GYG1: variants seen among roughly 807,000 people sequenced by gnomAD.
GYG1 encodes the protein glycogenin 1, also known as glycogenin-1.
Under a neutral mutation model 41.9 loss-of-function variants are expected in GYG1, and 44 were observed. That is an observed-to-expected ratio of 1.05 (90% CI 0.83 to 1.35). The LOEUF (loss-of-function observed/expected upper bound fraction) is 1.35, where lower values mean the gene tolerates loss of function less well. Ranked by LOEUF, GYG1 falls within the 40% of genes most tolerant of loss-of-function variation. GYG1 has a pLI of 0.00. For missense variants in GYG1, 429 were observed against 418.9 expected, an observed-to-expected ratio of 1.02 and a Z score of -0.21; for synonymous variants, 141 against 158.1, an observed-to-expected ratio of 0.89 and a Z score of 0.81.
chr3:148,991,925 G>T (rs890586281), intron 1 of GYG1, among the ~76,000 whole-genome samples: 1 of 152,190 alleles, frequency 6.6e-6, no homozygotes, highest in African/African-American at 2.4e-5. Flanking sequence ...TTGCTCTCAC[G>T]GCGAAGGGCC....
At chr3:148,997,255 C>T (rs575910209) in intron 4 of GYG1, among the ~76,000 whole-genome samples, 5 of 152,186 alleles carry the variant, frequency 3.3e-5, no homozygotes, top group Admixed American at 2.0e-4. Context: ...CCTAAGTAAA[C>T]GTAAGCTCAA....
intron 4 of GYG1, chr3:149,001,423 G>A (rs576356927): frequency 2.0e-5 from 3 of 152,226 alleles, no homozygotes; most frequent in Admixed American, 6.5e-5. Flanking sequence ...CACTGTACCC[G>A]TGAATATACT....
At chr3:149,021,586 C>T (rs573912479) in intron 5 of GYG1, among the ~76,000 whole-genome samples, 1 of 152,252 alleles carries the variant, frequency 6.6e-6, no homozygotes, top group Non-Finnish European at 1.5e-5. Flanking sequence ...TGTCAAACCC[C>T]ATCTCTGCCA....
intron 4 of GYG1, among the ~76,000 whole-genome samples, chr3:148,999,687 T>G (rs1712991040): frequency 6.6e-6 from 1 of 152,114 alleles, no homozygotes; most frequent in Non-Finnish European, 1.5e-5. Context: ...TATGTTATTA[T>G]ATAAAAATTA....
At chr3:149,008,908 T>C (rs1013213694) in intron 4 of GYG1, 2 of 227,518 alleles carry the variant, frequency 8.8e-6, no homozygotes, top group Non-Finnish European at 1.8e-5. Flanking sequence ...TGGTAGTCCT[T>C]GCACTTTGGG....
chr3:149,030,318 G>A lies in GYG1; in HGVS notation c.*3385G>A, dbSNP rs1714894225. 1.3e-5 allele frequency: 2 copies of A among 151,946 alleles called. No homozygotes were observed. The highest frequency in any genetic ancestry group is 1.3e-4 in the Admixed American group (2 of 15,260). The allele number at this position is 151,946 out of a possible 1,614,324, so 9.4% of individuals were successfully genotyped here. On this transcript the variant is annotated 3_prime_UTR_variant, in exon 8 of 8. Transcript: ENST00000345003. ...TTTTTTATATATTTATCCTTCTTAGGAAGGACAAATTAAATTTTTTAAATT... is the reference window on the plus strand; with the variant it reads ...TTTTTTATATATTTATCCTTCTTAGAAAGGACAAATTAAATTTTTTAAATT...
chr3:149,005,279 T>A (rs113838865), intron 4 of GYG1, among the ~76,000 whole-genome samples: 6 of 152,218 alleles, frequency 3.9e-5, no homozygotes, highest in African/African-American at 1.4e-4. Context: ...CCCAGTTGTA[T>A]TACTAATATT....
rs1351189217 is a variant in GYG1 at position 149,029,538 on chromosome 3, A to G, written c.*2605A>G. Among the ~76,000 whole-genome samples the G allele has an allele frequency of 6.6e-6, 1 of 152,186 alleles. No homozygotes were observed. The highest frequency in any genetic ancestry group is 1.5e-5 in the Non-Finnish European group (1 of 68,032). ...ACATTTTGCAGATATTTTGAAGTTA[A>G]TGTGTTAAAAACTTGAGGTTAAACA... On this transcript the variant is annotated 3_prime_UTR_variant, in exon 8 of 8. Transcript: ENST00000345003.
rs1019246305 is a variant in GYG1 at position 149,029,108 on chromosome 3, G to A, written c.*2175G>A. Among the ~76,000 whole-genome samples, 1 of 152,180 alleles carries A rather than the reference G, an allele frequency of 6.6e-6. No homozygotes were observed. Among genetic ancestry groups the A allele is most frequent in the African/African-American group, 2.4e-5 (1 of 41,448 alleles). On this transcript the variant is annotated 3_prime_UTR_variant, in exon 8 of 8. Coordinates refer to ENST00000345003, the MANE Select transcript of GYG1 (RefSeq NM_004130.4). Reference sequence around the variant, plus strand: ...CTTACCATAAGACATAGCATATAATGCTGTCAAGTTATTTGGCTAGAAAAT... The same window carrying A: ...CTTACCATAAGACATAGCATATAATACTGTCAAGTTATTTGGCTAGAAAAT...
chr3:149,016,803 AGAG>A (rs1714077152), intron 5 of GYG1, among the ~76,000 whole-genome samples: 1 of 152,142 alleles, frequency 6.6e-6, no homozygotes, highest in Non-Finnish European at 1.5e-5. Flanking sequence ...AGTGCGTGAG[AGAG>A]GAGAGGTGTG....
Position 148,996,786 on chromosome 3 carries a change from A to G in GYG1, c.363A>G (p.Ser121=), listed in dbSNP as rs201036138. The change falls in exon 4 of 8, where the codon TCA becomes TCG. Residue 121 remains serine (S), a synonymous_variant. Coordinates refer to ENST00000345003, the MANE Select transcript of GYG1 (RefSeq NM_004130.4). ...ATCTTTTTGACAGAGAAGAATTGTC[A>G]GCAGCACCAGACCCAGGGTGGCCTG... ...IDDLFDREEL[S]AAPDPGWPDC... The G allele has an allele frequency of 5.0e-6, 8 of 1,613,742 alleles. No homozygotes were observed. Among genetic ancestry groups the G allele is most frequent in the Non-Finnish European group, 5.9e-6 (7 of 1,179,688 alleles).
At chr3:149,007,224 C>A (rs549724480) in intron 4 of GYG1, among the ~76,000 whole-genome samples, 1 of 152,284 alleles carries the variant, frequency 6.6e-6, no homozygotes, top group Admixed American at 6.5e-5. Context: ...AGGGCAGAGC[C>A]CTCATGACCT....
At chr3:149,003,542 AATG>A (rs1188639752) in intron 4 of GYG1, among the ~76,000 whole-genome samples, 1 of 152,158 alleles carries the variant, frequency 6.6e-6, no homozygotes, top group African/African-American at 2.4e-5. Flanking sequence ...TTTTTATAGA[AATG>A]ATATTTTTAA....
chr3:148,996,759 T>C lies in GYG1; in HGVS notation c.336T>C (p.Asp112=). The stretch of plus-strand genomic sequence containing the variant: ...TTGATCAGGTCCTAGCAAATATTGA[T>C]GATCTTTTTGACAGAGAAGAATTGT... ...DADTLVLANI[D]DLFDREELSA... The change falls in exon 4 of 8, where the codon GAT becomes GAC. Residue 112 remains aspartate (D), a synonymous_variant. Coordinates refer to ENST00000345003, the MANE Select transcript of GYG1 (RefSeq NM_004130.4). The C allele has an allele frequency of 1.9e-6, 3 of 1,613,984 alleles. No individual in the cohort carries two copies. Among genetic ancestry groups the C allele is most frequent in the Non-Finnish European group, 2.5e-6 (3 of 1,179,830 alleles).
At chr3:149,018,784 C>T (rs983947301) in intron 5 of GYG1, among the ~76,000 whole-genome samples, 1 of 151,986 alleles carries the variant, frequency 6.6e-6, no homozygotes, top group Non-Finnish European at 1.5e-5. Flanking sequence ...AGTGTCAGGC[C>T]GGGCCCGTAA....
intron 6 of GYG1, among the ~76,000 whole-genome samples, chr3:149,025,241 A>T (rs1158807221): frequency 6.6e-6 from 1 of 152,216 alleles, no homozygotes; most frequent in African/African-American, 2.4e-5. Context: ...TGGTTTCAGG[A>T]TAAAACTGTT....
Position 148,996,772 on chromosome 3 carries a change from A to C in GYG1, c.349A>C (p.Arg117=). The change falls in exon 4 of 8, where the codon AGA becomes CGA. Residue 117 remains arginine, a synonymous_variant. Transcript: ENST00000345003. ...VLANIDDLFD[R]EELSAAPDPG... ...AGCAAATATTGATGATCTTTTTGACAGAGAAGAATTGTCAGCAGCACCAGA... is the reference window on the plus strand; with the variant it reads ...AGCAAATATTGATGATCTTTTTGACCGAGAAGAATTGTCAGCAGCACCAGA... The C allele has an allele frequency of 6.2e-7, 1 of 1,614,008 alleles. No individual in the cohort carries two copies.
In GYG1 at chr3:149,026,487, T is replaced by A; in HGVS notation, c.864T>A (p.Cys288Ter). Residue 288 changes from cysteine to a stop codon, truncating the protein, a stop_gained, in exon 7 of 8, where the codon TGT becomes TGA. Transcript: ENST00000345003. LOFTEE classifies it high-confidence loss of function. ...SDLVYTLAFS[C>*]GFCRKEDVSG... The stretch of plus-strand genomic sequence containing the variant: ...TGGTCTATACACTGGCTTTCTCTTG[T>A]GGCTTCTGTAGAAAGGTATGCAGAA... 6.2e-7 allele frequency: 1 copy of A among 1,605,492 alleles called. No individual in the cohort carries two copies. The highest frequency in any genetic ancestry group is 8.5e-7 in the Non-Finnish European group (1 of 1,172,098).
Position 149,009,158 on chromosome 3 carries a change from C to CA in GYG1, c.482-102dup, listed in dbSNP as rs3043934. On this transcript the variant is annotated intron_variant, in intron 4 of 7. Transcript: ENST00000345003. ...TGGGTGACAGAGCGAGACTCCGTCT[C>CA]AAAAAAAAAAAAAAAATGGAATTAG... The CA allele has an allele frequency of 0.33, 208,209 of 626,140 alleles. 7,624 individuals are homozygous for CA. The highest frequency in any genetic ancestry group is 0.39 in the Admixed American group (12,224 of 31,598). The allele number at this position is 626,140 out of a possible 1,614,324, so 38.8% of individuals were successfully genotyped here.
Sources: gnomAD v4.1 joint callset for allele counts (sites outside exome capture counted in the v4.1 genomes callset) on GRCh38, gnomAD v4.1.1 for gene constraint, MANE v1.5 for transcripts, NCBI Gene and HGNC (gene_info 2026-07-23, HGNC 2026-07-21) for gene names.